RASL10B: variants seen among roughly 807,000 people sequenced by gnomAD.
RASL10B encodes the protein ras-like protein family member 10B.
Under a neutral mutation model 20.7 loss-of-function variants are expected in RASL10B, and 10 were observed. The observed-to-expected ratio is 0.48, with a 90% confidence interval of 0.30 to 0.82. RASL10B has a LOEUF of 0.82. RASL10B is among the 40% of genes least tolerant of loss of function. The pLI is 0.07. For synonymous variants in RASL10B, 110 were observed against 123.3 expected, an observed-to-expected ratio of 0.89 and a Z score of 0.72; for missense variants, 231 against 295.4, an observed-to-expected ratio of 0.78 and a Z score of 1.60.
chr17:35,732,385 A>G (rs1167592493), intron 1 of RASL10B, among the ~76,000 whole-genome samples: 1 of 152,092 alleles, frequency 6.6e-6, no homozygotes, highest in Non-Finnish European at 1.5e-5. Context: ...CTGTCTGCAG[A>G]CTCACTGCAG....
rs1335316149 is a variant in RASL10B, at chr17:35,735,555, G to A, written c.216+155G>A. ...ACCTTGGGCCACTCTGCTTAGAGCCGTTCCAGGAATCCATTCATTGGTGTG... is the reference window on the plus strand; with the variant it reads ...ACCTTGGGCCACTCTGCTTAGAGCCATTCCAGGAATCCATTCATTGGTGTG... On this transcript the variant is annotated intron_variant, in intron 2 of 3. Coordinates refer to ENST00000603017, the MANE Select transcript of RASL10B (RefSeq NM_033315.4). The surrounding 1 kb of genome is among the most constrained non-coding windows in gnomAD (Gnocchi z 6.7). Among the ~76,000 whole-genome samples the A allele has an allele frequency of 2.6e-5, 4 of 152,208 alleles. No individual in the cohort carries two copies. Among genetic ancestry groups the A allele is most frequent in the South Asian group, 2.1e-4 (1 of 4,832 alleles).
rs1017642661 is a variant in RASL10B, at chr17:35,735,133, G to C, written c.-52G>C. ...CCCCAGCCCCTGGAATATGCAGCCC[G>C]GGGGAGCCCCAGACAGCGGCAAGGA... is the stretch of plus-strand genomic sequence containing the variant. On this transcript the variant is annotated 5_prime_UTR_variant, in exon 2 of 4. Coordinates refer to ENST00000603017, the MANE Select transcript of RASL10B (RefSeq NM_033315.4). The surrounding 1 kb of genome is among the most constrained non-coding windows in gnomAD (Gnocchi z 6.7). 4.5e-6 allele frequency: 7 copies of C among 1,563,068 alleles called. No individual in the cohort carries two copies. The highest frequency in any genetic ancestry group is 2.3e-5 in the East Asian group (1 of 44,388).
rs2085626376 is a variant in RASL10B at position 35,741,161 on chromosome 17, G to A, written c.468G>A (p.Val156=). The part of the protein sequence containing the change: ...LVRKTWKCGY[V]ECSAKYNWHI... Reference sequence around the variant, plus strand: ...GCAAGACCTGGAAGTGCGGCTACGTGGAATGCTCGGCCAAGTACAACTGGC... The same window carrying A: ...GCAAGACCTGGAAGTGCGGCTACGTAGAATGCTCGGCCAAGTACAACTGGC... Residue 156 remains valine, a synonymous_variant, in exon 4 of 4, where the codon GTG becomes GTA. Transcript: ENST00000603017. 1 of 1,613,338 alleles carries A rather than the reference G, an allele frequency of 6.2e-7. No homozygotes were observed. Among genetic ancestry groups the A allele is most frequent in the African/African-American group, 1.3e-5 (1 of 74,948 alleles).
rs1217390599 is a variant in RASL10B, at chr17:35,743,138, G to A, written c.*1833G>A. The A allele has an allele frequency of 6.5e-6, 1 of 152,692 alleles. No individual in the cohort carries two copies. Among genetic ancestry groups the A allele is most frequent in the African/African-American group, 2.4e-5 (1 of 41,448 alleles). The allele number at this position is 152,692 out of a possible 1,614,324, so 9.5% of individuals were successfully genotyped here. A position where few individuals can be genotyped will look rare whatever the true frequency, so the allele number is the denominator to read the frequency against. On this transcript the variant is annotated 3_prime_UTR_variant, in exon 4 of 4. Coordinates refer to ENST00000603017, the MANE Select transcript of RASL10B (RefSeq NM_033315.4). ...CTTCCCCACACCTTAGAGTGGCTGGGAGGGTAACAAAGAGGGCCTGCCCCT... is the reference window on the plus strand; with the variant it reads ...CTTCCCCACACCTTAGAGTGGCTGGAAGGGTAACAAAGAGGGCCTGCCCCT...
chr17:35,741,135 C>G lies in RASL10B; in HGVS notation c.442C>G (p.Arg148Gly), dbSNP rs782636377. The G allele has an allele frequency of 5.6e-6, 9 of 1,613,478 alleles. No individual in the cohort carries two copies. The Admixed American group carries it at 1.3e-4, about 24-fold the overall frequency. The stretch of plus-strand genomic sequence containing the variant: ...GCGCTGGAACGTGTCGCACCTGGTA[C>G]GCAAGACCTGGAAGTGCGGCTACGT... ...IPRWNVSHLV[R>G]KTWKCGYVEC... Residue 148 changes from arginine (R) to glycine (G), a missense_variant, in exon 4 of 4, where the codon CGC becomes GGC. Arg to Gly is a moderately radical substitution (Grantham distance 125, BLOSUM62 -2). Transcript: ENST00000603017.
rs1362707183 is a variant in RASL10B at position 35,743,261 on chromosome 17, G to GT, written c.*1957dup. 1.3e-5 allele frequency: 2 copies of GT among 152,870 alleles called. No individual in the cohort carries two copies. The highest frequency in any genetic ancestry group is 4.8e-5 in the African/African-American group (2 of 41,464). 9.5% of individuals were successfully genotyped at this position (152,870 alleles called of 1,614,324 possible). A position where few individuals can be genotyped will look rare whatever the true frequency, so the allele number is the denominator to read the frequency against. ...CATCACCAACTCTGAGGCACCTGGG[G>GT]TGGGGGGGCGGAGCCCAGGCCTCTG... On this transcript the variant is annotated 3_prime_UTR_variant, in exon 4 of 4. Coordinates refer to ENST00000603017, the MANE Select transcript of RASL10B (RefSeq NM_033315.4).
At chr17:35,737,305 C>T (rs1555597337) in intron 2 of RASL10B, among the ~76,000 whole-genome samples, 2 of 152,058 alleles carry the variant, frequency 1.3e-5, no homozygotes, top group Admixed American at 6.6e-5. Context: ...CTGTGCTTGG[C>T]GCTGTACCTC....
intron 2 of RASL10B, among the ~76,000 whole-genome samples, chr17:35,739,013 A>G (rs115701877): frequency 1.7e-3 from 265 of 152,086 alleles, no homozygotes; most frequent in African/African-American, 6.2e-3. Flanking sequence ...GGCCTAAGAA[A>G]CCAGTTTCCT....
intron 3 of RASL10B, among the ~76,000 whole-genome samples, chr17:35,740,826 A>G (rs1163686591): frequency 2.0e-5 from 3 of 152,184 alleles, no homozygotes; most frequent in African/African-American, 7.2e-5. Context: ...ATTTAAGCCT[A>G]TGTCCTCATC....
intron 2 of RASL10B, 114 bp from the exon 3 acceptor site, chr17:35,740,295 A>C (rs1382688091): frequency 7.2e-7 from 1 of 1,391,094 alleles, no homozygotes; most frequent in Non-Finnish European, 9.8e-7. Context: ...TCGGGTATGG[A>C]AGGCTTCAGG....
chr17:35,735,051 C>G lies in RASL10B; in HGVS notation c.-134C>G. The stretch of plus-strand genomic sequence containing the variant: ...TTGTCCCCACAGTCCAGGTGGAGGC[C>G]GCAGAGGGCCCAGGGCAAGCAGAGG... On this transcript the variant is annotated 5_prime_UTR_variant, in exon 2 of 4. Coordinates refer to ENST00000603017, the MANE Select transcript of RASL10B (RefSeq NM_033315.4). The surrounding 1 kb of genome is among the most constrained non-coding windows in gnomAD (Gnocchi z 6.7). 1 of 883,162 alleles carries G rather than the reference C, an allele frequency of 1.1e-6. No individual in the cohort carries two copies. The highest frequency in any genetic ancestry group is 1.8e-6 in the Non-Finnish European group (1 of 556,222). 54.7% of individuals were successfully genotyped at this position (883,162 alleles called of 1,614,324 possible). A position where few individuals can be genotyped will look rare whatever the true frequency, so the allele number is the denominator to read the frequency against.
At chr17:35,732,784 T>C (rs587697895) in intron 1 of RASL10B, among the ~76,000 whole-genome samples, 66 of 152,262 alleles carry the variant, frequency 4.3e-4, no homozygotes, top group African/African-American at 1.3e-3. Context: ...AGGACTCTTC[T>C]TGGCGTTCCT....
rs1555597764 is a variant in RASL10B at position 35,740,535 on chromosome 17, TGA to T, written c.341+6_341+7del. 1 of 1,613,072 alleles carries T rather than the reference TGA, an allele frequency of 6.2e-7. No individual in the cohort carries two copies. Among genetic ancestry groups the T allele is most frequent in the Admixed American group, 1.7e-5 (1 of 60,010 alleles). On this transcript the variant is annotated splice_donor_region_variant and intron_variant, in intron 3 of 3. Coordinates refer to ENST00000603017, the MANE Select transcript of RASL10B (RefSeq NM_033315.4). ...CCGCCAGCAGATCCTGGAGACGAGG[TGA>T]GAGGCTGGAACACAGTCCATTGCCA...
chr17:35,735,427 T>G lies in RASL10B; in HGVS notation c.216+27T>G. ...TAGGAGGACCCTGGGGGGCATGGGT[T>G]AGTGGGGAAACGGATGGGTAGGGGA... On this transcript the variant is annotated intron_variant, in intron 2 of 3. Coordinates refer to ENST00000603017, the MANE Select transcript of RASL10B (RefSeq NM_033315.4). This position sits in a 1 kb window ranked among gnomAD's most constrained non-coding sequence, Gnocchi z 6.7. 1 of 1,608,378 alleles carries G rather than the reference T, an allele frequency of 6.2e-7. No individual in the cohort carries two copies.
intron 1 of RASL10B, among the ~76,000 whole-genome samples, chr17:35,732,364 C>T (rs1414153423): frequency 1.3e-5 from 2 of 152,234 alleles, no homozygotes; most frequent in African/African-American, 4.8e-5. Flanking sequence ...CGGGCAGTCT[C>T]TTGCCGGGCG....
At chr17:35,740,967 C>A (rs1418349785) in intron 3 of RASL10B, 68 bp from the exon 4 acceptor site, 8 of 1,387,760 alleles carry the variant, frequency 5.8e-6, no homozygotes, top group South Asian at 3.9e-5. Flanking sequence ...CCAGGCACAG[C>A]CTGCCCTGCT....
In RASL10B at chr17:35,741,295, C is replaced by G. The variant is rs906772021; in HGVS notation, c.602C>G (p.Ala201Gly). ...GGCGCGCTGCGCCGCAACCGCTGCG[C>G]CATCATGTGACGCCTGCGCGCCCCT... ...FQGALRRNRC[A>G]IM Residue 201 changes from alanine (A) to glycine (G), a missense_variant, in exon 4 of 4, where the codon GCC becomes GGC. Coordinates refer to ENST00000603017, the MANE Select transcript of RASL10B (RefSeq NM_033315.4). 9 of 1,506,170 alleles carry G rather than the reference C, an allele frequency of 6.0e-6. No individual in the cohort carries two copies. Among genetic ancestry groups the G allele is most frequent in the African/African-American group, 2.8e-5 (2 of 71,062 alleles). The allele number at this position is 1,506,170 out of a possible 1,614,324, so 93.3% of individuals were successfully genotyped here. A position where few individuals can be genotyped will look rare whatever the true frequency, so the allele number is the denominator to read the frequency against.
intron 3 of RASL10B, 150 bp from the exon 4 acceptor site, chr17:35,740,885 G>C (rs2085624567): frequency 4.5e-6 from 3 of 663,664 alleles, no homozygotes; most frequent in Non-Finnish European, 7.6e-6. Flanking sequence ...CAGTTGTGCT[G>C]ATCAGAGAAT....
chr17:35,741,023 C>T lies in RASL10B; in HGVS notation c.342-12C>T. ...GCTGACAGAGTTCTGAGCTGCCTGCCTCGCCCCACAGGGTGATCGGAACCT... is the reference window on the plus strand; with the variant it reads ...GCTGACAGAGTTCTGAGCTGCCTGCTTCGCCCCACAGGGTGATCGGAACCT... On this transcript the variant is annotated splice_polypyrimidine_tract_variant and intron_variant, in intron 3 of 3. Transcript: ENST00000603017. 2 of 1,581,670 alleles carry T rather than the reference C, an allele frequency of 1.3e-6. No homozygotes were observed. The highest frequency in any genetic ancestry group is 1.7e-6 in the Non-Finnish European group (2 of 1,158,734).
Sources: allele counts gnomAD v4.1 joint callset (sites outside exome capture counted in the v4.1 genomes callset), GRCh38; gene constraint gnomAD v4.1.1; non-coding constraint Gnocchi (gnomAD v3.1); transcripts MANE v1.5; gene names NCBI Gene and HGNC (gene_info 2026-07-23, HGNC 2026-07-21).